CTNNBIP1: variants seen among roughly 807,000 people sequenced by gnomAD.
The protein encoded by CTNNBIP1 is catenin beta interacting protein 1.
CTNNBIP1 carries 7 observed loss-of-function variants against 11.8 expected under a neutral mutation model. The ratio of observed to expected loss-of-function variants is 0.60; its 90% CI spans 0.34 to 1.12. The LOEUF is 1.12. Ranked by LOEUF, CTNNBIP1 falls within the 50% of genes most tolerant of loss-of-function variation. The pLI is 0.03. For synonymous variants in CTNNBIP1, 58 were observed against 43.9 expected, an observed-to-expected ratio of 1.32 and a Z score of -1.26; for missense variants, 101 against 113.4, an observed-to-expected ratio of 0.89 and a Z score of 0.50.
At chr1:9,853,180 C>A (rs1638427714) in intron 5 of CTNNBIP1, among the ~76,000 whole-genome samples, 1 of 152,210 alleles carries the variant, frequency 6.6e-6, no homozygotes, top group Non-Finnish European at 1.5e-5. Context: ...GGAGCTGCGG[C>A]CTGTCTGTGC....
intron 5 of CTNNBIP1, among the ~76,000 whole-genome samples, chr1:9,863,607 T>C (rs1479476427): frequency 1.3e-5 from 2 of 152,164 alleles, no homozygotes. Flanking sequence ...ACACCTACAC[T>C]GCACCAGAGG....
At chr1:9,905,317 T>C (rs1159992231) in intron 1 of CTNNBIP1, among the ~76,000 whole-genome samples, 1 of 152,172 alleles carries the variant, frequency 6.6e-6, no homozygotes, top group Non-Finnish European at 1.5e-5. Flanking sequence ...TCACCATCCA[T>C]GTCTCCCAAA....
chr1:9,892,498 T>A (rs1008997078), intron 1 of CTNNBIP1, among the ~76,000 whole-genome samples: 3 of 141,696 alleles, frequency 2.1e-5, no homozygotes, highest in Non-Finnish European at 3.0e-5. Context: ...GAGGCTGAGG[T>A]GGGAGGATCC....
chr1:9,898,395 G>A (rs1179635505), intron 1 of CTNNBIP1, among the ~76,000 whole-genome samples: 3 of 151,960 alleles, frequency 2.0e-5, no homozygotes, highest in African/African-American at 7.2e-5. Flanking sequence ...GTGGTGGCAG[G>A]TGCCTGTAAT....
chr1:9,863,196 T>C (rs1003808198), intron 5 of CTNNBIP1, among the ~76,000 whole-genome samples: 9 of 152,202 alleles, frequency 5.9e-5, no homozygotes, highest in African/African-American at 2.2e-4. Context: ...CTTGGGATTG[T>C]TTTTCCCCCT....
At chr1:9,898,329 T>G (rs879824956) in intron 1 of CTNNBIP1, among the ~76,000 whole-genome samples, 4 of 151,732 alleles carry the variant, frequency 2.6e-5, no homozygotes, top group Admixed American at 6.6e-5. Flanking sequence ...ATCGAGACCA[T>G]CCTGGCCAAC....
At chr1:9,909,875 C>G (rs1639700245) in intron 1 of CTNNBIP1, among the ~76,000 whole-genome samples, 1 of 151,916 alleles carries the variant, frequency 6.6e-6, no homozygotes, top group Non-Finnish European at 1.5e-5. Flanking sequence ...GAGGCGACCC[C>G]CGGGCGAAGA....
chr1:9,850,736 C>G lies in CTNNBIP1; in HGVS notation c.228G>C (p.Thr76=), dbSNP rs777597196. Residue 76 remains threonine (T), a synonymous_variant, in exon 6 of 6, where the codon ACG becomes ACC. Transcript: ENST00000377263. ...DVVMAFSRSE[T]EDRRQ ...TTTGCAGCTACTGCCTCCGGTCTTCCGTCTCCGACCTGGAAAACGCCATCA... is the reference window on the plus strand; with the variant it reads ...TTTGCAGCTACTGCCTCCGGTCTTCGGTCTCCGACCTGGAAAACGCCATCA... 6.2e-7 allele frequency: 1 copy of G among 1,613,906 alleles called. No individual in the cohort carries two copies. Among genetic ancestry groups the G allele is most frequent in the African/African-American group, 1.3e-5 (1 of 75,050 alleles).
In CTNNBIP1 at chr1:9,881,384, G is replaced by A. The variant is rs12069868; in HGVS notation, c.-110+2321C>T. ...AATGGAGTTTCTCTCTTATTGCCCA[G>A]GCTGGAGTGTAATGGCACGATCTCA... On this transcript the variant is annotated intron_variant, in intron 2 of 5. Coordinates refer to ENST00000377263, the MANE Select transcript of CTNNBIP1 (RefSeq NM_020248.3). Among the ~76,000 whole-genome samples the A allele has an allele frequency of 4.3e-3, 607 of 139,894 alleles. 7 individuals are homozygous for A. Among genetic ancestry groups the A allele is most frequent in the African/African-American group, 0.016 (570 of 36,390 alleles). 91.8% of individuals were successfully genotyped at this position (139,894 alleles called of 152,430 possible). A position where few individuals can be genotyped will look rare whatever the true frequency, so the allele number is the denominator to read the frequency against.
chr1:9,893,117 G>C (rs967164674), intron 1 of CTNNBIP1: 5 of 152,260 alleles, frequency 3.3e-5, no homozygotes, highest in Admixed American at 2.0e-4. Flanking sequence ...GATCAGAAAA[G>C]ACGCACTTGC....
chr1:9,891,768 C>T (rs906359140), intron 1 of CTNNBIP1, among the ~76,000 whole-genome samples: 1 of 151,098 alleles, frequency 6.6e-6, no homozygotes, highest in Non-Finnish European at 1.5e-5. Context: ...AAAGTAAGAC[C>T]CCATCTCTTT....
chr1:9,861,064 C>T (rs932373770), intron 5 of CTNNBIP1, among the ~76,000 whole-genome samples: 2 of 152,242 alleles, frequency 1.3e-5, no homozygotes, highest in Non-Finnish European at 2.9e-5. Context: ...AGAGGGAATG[C>T]GACCACATGC....
intron 5 of CTNNBIP1, among the ~76,000 whole-genome samples, chr1:9,859,468 A>G (rs987256132): frequency 2.0e-5 from 3 of 152,226 alleles, no homozygotes; most frequent in Non-Finnish European, 4.4e-5. Flanking sequence ...GCTCCCGCCA[A>G]CACTCACCCT....
chr1:9,858,459 G>A (rs954363262), intron 5 of CTNNBIP1, among the ~76,000 whole-genome samples: 1 of 152,114 alleles, frequency 6.6e-6, no homozygotes, highest in Non-Finnish European at 1.5e-5. Flanking sequence ...CCAGCTACAT[G>A]GGCCCCTGGC....
intron 1 of CTNNBIP1, among the ~76,000 whole-genome samples, chr1:9,892,177 C>T (rs1488067839): frequency 6.6e-6 from 1 of 151,868 alleles, no homozygotes. Context: ...AATCCCAGCA[C>T]TTTGGGAAGC....
Position 9,895,722 on chromosome 1 carries a change from C to T in CTNNBIP1, c.-143-11984G>A, listed in dbSNP as rs550683511. 5.9e-5 allele frequency among the ~76,000 whole-genome samples: 9 copies of T among 152,202 alleles called. No homozygotes were observed. In the South Asian group the frequency reaches 1.9e-3, roughly 32 times the overall value. On this transcript the variant is annotated intron_variant, in intron 1 of 5. Transcript: ENST00000377263. ...ATGTTGGCCAGGCTGGTCTCTCGAA[C>T]TCCTGACCTCGTGATCCACCCGCCT...
intron 5 of CTNNBIP1, among the ~76,000 whole-genome samples, chr1:9,860,570 A>ACTGCATT (rs1425643984): frequency 6.8e-6 from 1 of 147,926 alleles, no homozygotes; most frequent in African/African-American, 2.5e-5. Flanking sequence ...AGATCACACC[A>ACTGCATT]CTGCATTCTG....
chr1:9,897,368 G>A (rs1639430614), intron 1 of CTNNBIP1, among the ~76,000 whole-genome samples: 1 of 150,968 alleles, frequency 6.6e-6, no homozygotes, highest in African/African-American at 2.4e-5. Flanking sequence ...GCAGGACAAT[G>A]GCATGAGCCC....
intron 5 of CTNNBIP1, among the ~76,000 whole-genome samples, chr1:9,856,495 CA>C (rs1445618482): frequency 6.8e-6 from 1 of 147,588 alleles, no homozygotes; most frequent in Non-Finnish European, 1.5e-5. Context: ...GACTATTACG[CA>C]AAATACGTAA....
Sources: allele counts gnomAD v4.1 joint callset (sites outside exome capture counted in the v4.1 genomes callset), GRCh38; gene constraint gnomAD v4.1.1; transcripts MANE v1.5; gene names NCBI Gene and HGNC (gene_info 2026-07-23, HGNC 2026-07-21).